HGS: variants seen among roughly 807,000 people sequenced by gnomAD.
HGS encodes hepatocyte growth factor-regulated tyrosine kinase substrate.
In HGS, 63 loss-of-function variants were observed where a neutral mutation model predicts 109.7. That is an observed-to-expected ratio of 0.57 (90% CI 0.47 to 0.71). The LOEUF is 0.71. Among genes scored for constraint, HGS ranks in the 30% least tolerant of loss-of-function variants. The pLI is 0.00. For synonymous variants in HGS, 546 were observed against 437.3 expected, an observed-to-expected ratio of 1.25 and a Z score of -3.10; for missense variants, 995 against 1,068.3, an observed-to-expected ratio of 0.93 and a Z score of 0.96.
rs947871096 is a variant in HGS at position 81,690,831 on chromosome 17, C to T, written c.537+89C>T. 21 of 1,193,068 alleles carry T rather than the reference C, an allele frequency of 1.8e-5. No individual in the cohort carries two copies. The African/African-American group carries it at 3.0e-4, about 17-fold the overall frequency. The allele number at this position is 1,193,068 out of a possible 1,614,324, so 73.9% of individuals were successfully genotyped here. On this transcript the variant is annotated intron_variant, in intron 7 of 21. Coordinates refer to ENST00000329138, the MANE Select transcript of HGS (RefSeq NM_004712.5). Reference sequence around the variant, plus strand: ...GGCCACCGTCCCTGCTGGGCCTTTCCTTCCTGGTGGGTGGTTCAGGAGGTG... The same window carrying T: ...GGCCACCGTCCCTGCTGGGCCTTTCTTTCCTGGTGGGTGGTTCAGGAGGTG...
chr17:81,696,839 G>A lies in HGS; in HGVS notation c.1723G>A (p.Ala575Thr), dbSNP rs769071126. Residue 575 changes from alanine to threonine, a missense_variant, in exon 18 of 22, where the codon GCA becomes ACA. Around this residue, in one of 6 missense-constraint regions of HGS, gnomAD observed 326 missense variants for 309.7 expected, o/e 1.05. Coordinates refer to ENST00000329138, the MANE Select transcript of HGS (RefSeq NM_004712.5). ...LPYAQLQAMP[A>T]AGGVLYQPSG... ...TTGTCCCCAGCTCCAGGCCATGCCCGCAGCCGGAGGTGTGCTCTACCAGCC... is the reference window on the plus strand; with the variant it reads ...TTGTCCCCAGCTCCAGGCCATGCCCACAGCCGGAGGTGTGCTCTACCAGCC... 1.5e-5 allele frequency: 24 copies of A among 1,609,518 alleles called. No homozygotes were observed. Among genetic ancestry groups the A allele is most frequent in the South Asian group, 2.2e-5 (2 of 90,940 alleles).
At chr17:81,697,307 G>C in intron 18 of HGS, 1 of 238,860 alleles carries the variant, frequency 4.2e-6, no homozygotes, top group South Asian at 1.1e-4. Context: ...GACTGTCCCA[G>C]TGGTGTCCTG....
intron 3 of HGS, 110 bp downstream of exon 3, chr17:81,686,497 T>G: frequency 1.3e-6 from 1 of 751,624 alleles, no homozygotes; most frequent in Non-Finnish European, 2.3e-6. Flanking sequence ...TGGGCATACA[T>G]CAAGCAGGAG....
chr17:81,686,951 G>A (rs1170970159), intron 3 of HGS, 52 bp from the exon 4 acceptor site: 1 of 1,463,556 alleles, frequency 6.8e-7, no homozygotes, highest in East Asian at 2.3e-5. Context: ...GGGAGGAGGA[G>A]GGGCCCTGCC....
At position 81,686,351 on chromosome 17, in the gene HGS, C is replaced by T. The variant is rs151304315; in HGVS notation, c.162C>T (p.Asn54=). The T allele has an allele frequency of 1.2e-5, 19 of 1,613,572 alleles. No homozygotes were observed. The African/African-American group carries it at 1.6e-4, about 14-fold the overall frequency. Reference sequence around the variant, plus strand: ...TGAATTCCATCAAGAAGAAAGTCAACGACAAGAACCCACACGTCGCCTTGT... The same window carrying T: ...TGAATTCCATCAAGAAGAAAGTCAATGACAAGAACCCACACGTCGCCTTGT... ...YAVNSIKKKV[N]DKNPHVALYA... Residue 54 remains asparagine, a synonymous_variant, in exon 3 of 22, where the codon AAC becomes AAT. Coordinates refer to ENST00000329138, the MANE Select transcript of HGS (RefSeq NM_004712.5).
chr17:81,696,183 C>CTGCCG (rs1457531805), intron 15 of HGS, 174 bp from the exon 16 acceptor site: 1 of 949,352 alleles, frequency 1.1e-6, no homozygotes, highest in African/African-American at 1.7e-5. Flanking sequence ...CTGCCCTGCC[C>CTGCCG]TGCCCTGCCC....
chr17:81,697,180 G>C, intron 18 of HGS, 182 bp downstream of exon 18: 1 of 671,642 alleles, frequency 1.5e-6, no homozygotes, highest in Non-Finnish European at 2.4e-6. Flanking sequence ...CTGGAGCCGT[G>C]TTTCAGTCCG....
In HGS at chr17:81,685,545, G is replaced by A. The variant is rs530119044; in HGVS notation, c.38-60G>A. 166 of 1,167,890 alleles carry A rather than the reference G, an allele frequency of 1.4e-4. No individual in the cohort carries two copies. The South Asian group carries it at 2.3e-3, about 16-fold the overall frequency. 72.3% of individuals were successfully genotyped at this position (1,167,890 alleles called of 1,614,324 possible). On this transcript the variant is annotated intron_variant, in intron 1 of 21. Coordinates refer to ENST00000329138, the MANE Select transcript of HGS (RefSeq NM_004712.5). Reference sequence around the variant, plus strand: ...TCCCCCCCAGCTGCTGCCAAGCTGGGGTGCTGCACGGGGCGTCCAGCAGGA... The same window carrying A: ...TCCCCCCCAGCTGCTGCCAAGCTGGAGTGCTGCACGGGGCGTCCAGCAGGA...
chr17:81,686,931 G>A (rs1395252788), intron 3 of HGS, 72 bp from the exon 4 acceptor site: 5 of 1,220,848 alleles, frequency 4.1e-6, no homozygotes, highest in Non-Finnish European at 5.9e-6. Context: ...ACAGGGAGGT[G>A]GGTCTGTCCG....
chr17:81,700,870 CT>C (rs1238129287), intron 20 of HGS, 56 bp downstream of exon 20: 3 of 1,586,180 alleles, frequency 1.9e-6, no homozygotes, highest in Non-Finnish European at 2.6e-6. Context: ...GTTGATGATG[CT>C]GAGGGTCCTT....
At position 81,693,572 on chromosome 17, in the gene HGS, G is replaced by C; in HGVS notation, c.732G>C (p.Gln244His). Residue 244 changes from glutamine (Q) to histidine (H), a missense_variant, in exon 9 of 22, where the codon CAG (glutamine) becomes CAC (histidine). This residue lies in a region of HGS where 300 missense variants were observed against 235.4 expected (regional missense o/e 1.27). Coordinates refer to ENST00000329138, the MANE Select transcript of HGS (RefSeq NM_004712.5). Reference protein sequence around the residue: ...PPEYLTSPLSQQSQLPPKRDE... With the variant: ...PPEYLTSPLSHQSQLPPKRDE... Reference sequence around the variant, plus strand: ...AGTACCTGACCAGCCCCCTGTCTCAGCAGTCCCAGGTACTCAGCCCCCTCC... The same window carrying C: ...AGTACCTGACCAGCCCCCTGTCTCACCAGTCCCAGGTACTCAGCCCCCTCC... 3.7e-6 allele frequency: 6 copies of C among 1,609,750 alleles called. No homozygotes were observed. The highest frequency in any genetic ancestry group is 5.1e-6 in the Non-Finnish European group (6 of 1,176,914).
At chr17:81,701,242 AG>A in intron 21 of HGS, 111 bp downstream of exon 21, 4 of 1,011,274 alleles carry the variant, frequency 4.0e-6, no homozygotes, top group South Asian at 2.7e-5. Context: ...GTCTGCTCAC[AG>A]GGGGAGACGC....
intron 6 of HGS, 167 bp downstream of exon 6, chr17:81,690,401 G>A: frequency 1.3e-6 from 1 of 747,272 alleles, no homozygotes; most frequent in Admixed American, 2.5e-5. Context: ...TGTCTCTGCA[G>A]GGCGAGGTGG....
At position 81,701,633 on chromosome 17, in the gene HGS, A is replaced by C. The variant is rs1030913816; in HGVS notation, c.*15A>C. 6.5e-7 allele frequency: 1 copy of C among 1,546,070 alleles called. No homozygotes were observed. The highest frequency in any genetic ancestry group is 1.4e-5 in the African/African-American group (1 of 73,450). The stretch of plus-strand genomic sequence containing the variant: ...CATTCGACTGACCCAGGCCATGCTC[A>C]CGTCCGGAGTAACACTACATACAGT... On this transcript the variant is annotated 3_prime_UTR_variant, in exon 22 of 22. Transcript: ENST00000329138.
Position 81,696,930 on chromosome 17 carries a change from A to G in HGS, c.1814A>G (p.His605Arg). 6.2e-7 allele frequency: 1 copy of G among 1,607,250 alleles called. No homozygotes were observed. Among genetic ancestry groups the G allele is most frequent in the African/African-American group, 1.3e-5 (1 of 75,030 alleles). Residue 605 changes from histidine to arginine, a missense_variant, in exon 18 of 22, where the codon CAC becomes CGC. Coordinates refer to ENST00000329138, the MANE Select transcript of HGS (RefSeq NM_004712.5). ...PAGSVEGSPM[H>R]GVYMSQPAPA... ...GGCTCGGTGGAGGGCTCCCCAATGC[A>G]CGGCGTGTACATGAGCCAGCCGGCC...
Position 81,691,641 on chromosome 17 carries a change from G to A in HGS, c.662+70G>A, listed in dbSNP as rs2144492736. The A allele has an allele frequency of 6.3e-7, 1 of 1,597,432 alleles. No homozygotes were observed. Among genetic ancestry groups the A allele is most frequent in the South Asian group, 1.1e-5 (1 of 90,362 alleles). The stretch of plus-strand genomic sequence containing the variant: ...CCAGGCTGGGTTTTCTGTCCCTCTT[G>A]GCCATGGTGCCTGAGGCCTGCAGAC... On this transcript the variant is annotated intron_variant, in intron 8 of 21. Coordinates refer to ENST00000329138, the MANE Select transcript of HGS (RefSeq NM_004712.5). This position sits in a 1 kb window ranked among gnomAD's most constrained non-coding sequence, Gnocchi z 5.3.
chr17:81,693,236 G>A (rs370971512), intron 8 of HGS, among the ~76,000 whole-genome samples: 2 of 152,196 alleles, frequency 1.3e-5, no homozygotes, highest in South Asian at 2.1e-4. Context: ...TTCGCAGGCC[G>A]GGCTGGTGTC....
At chr17:81,697,398 G>A (rs1260983599) in intron 18 of HGS, 2 of 137,622 alleles carry the variant, frequency 1.5e-5, no homozygotes, top group East Asian at 4.1e-4. Context: ...GTCAGCTTCT[G>A]TGTTTTGTGA....
rs56210089 is a variant in HGS at position 81,701,232 on chromosome 17, G to A, written c.2223+101G>A. The A allele has an allele frequency of 1.0e-5, 11 of 1,095,634 alleles. No homozygotes were observed. In the East Asian group the frequency reaches 1.0e-4, roughly 10 times the overall value. 67.9% of individuals were successfully genotyped at this position (1,095,634 alleles called of 1,614,324 possible). A position where few individuals can be genotyped will look rare whatever the true frequency, so the allele number is the denominator to read the frequency against. On this transcript the variant is annotated intron_variant, in intron 21 of 21. Coordinates refer to ENST00000329138, the MANE Select transcript of HGS (RefSeq NM_004712.5). The stretch of plus-strand genomic sequence containing the variant: ...GGCCCCAGTGGGGATTGTCCCGTAC[G>A]TCTGCTCACAGGGGGAGACGCATAC...
Sources: gnomAD v4.1 joint callset for allele counts (sites outside exome capture counted in the v4.1 genomes callset) on GRCh38, gnomAD v4.1.1 for gene constraint, gnomAD v4.1.1 regional missense constraint, Gnocchi (gnomAD v3.1) non-coding constraint, MANE v1.5 for transcripts, NCBI Gene and HGNC (gene_info 2026-07-23, HGNC 2026-07-21) for gene names.